Variants in KIF13B observed in about 807,000 individuals in gnomAD.
KIF13B encodes kinesin family member 13B.
In KIF13B, 127 loss-of-function variants were observed where a neutral mutation model predicts 222.0. The ratio of observed to expected loss-of-function variants is 0.57; its 90% CI spans 0.50 to 0.66. The LOEUF is 0.66. Ranked by LOEUF, KIF13B falls within the 30% of genes least tolerant of loss-of-function variation. The pLI, the probability that KIF13B is intolerant of heterozygous loss-of-function variation, is 0.00. For missense variants in KIF13B, 2,173 were observed against 2,379.0 expected, an observed-to-expected ratio of 0.91 and a Z score of 1.80; for synonymous variants, 976 against 919.0, an observed-to-expected ratio of 1.06 and a Z score of -1.12.
intron 1 of KIF13B, among the ~76,000 whole-genome samples, chr8:29,258,957 G>A (rs1454697527): frequency 6.6e-6 from 1 of 152,074 alleles, no homozygotes; most frequent in Non-Finnish European, 1.5e-5. Flanking sequence ...GCAACCCTAA[G>A]AAAACTTTTA....
chr8:29,239,902 A>G (rs1815687080), intron 2 of KIF13B, among the ~76,000 whole-genome samples: 1 of 151,948 alleles, frequency 6.6e-6, no homozygotes, highest in East Asian at 1.9e-4. Flanking sequence ...ACCTCAAGTG[A>G]TCTGCGTGCC....
At chr8:29,185,825 ACT>A (rs993426992) in intron 6 of KIF13B, among the ~76,000 whole-genome samples, 3 of 151,670 alleles carry the variant, frequency 2.0e-5, no homozygotes, top group South Asian at 2.1e-4. Flanking sequence ...AACTCGAAAA[ACT>A]CTGTGGAATG....
At chr8:29,077,235 C>T (rs545673279) in intron 37 of KIF13B, among the ~76,000 whole-genome samples, 1 of 152,292 alleles carries the variant, frequency 6.6e-6, no homozygotes, top group South Asian at 2.1e-4. Context: ...CCAGAACAGT[C>T]TCCCCTCTGC....
chr8:29,161,708 C>CCCA (rs1554609866), intron 12 of KIF13B, among the ~76,000 whole-genome samples: 3 of 143,716 alleles, frequency 2.1e-5, no homozygotes, highest in African/African-American at 7.6e-5. Flanking sequence ...AACCCCCCCC[C>CCCA]AAAAAAAAAC....
At chr8:29,262,784 C>G (rs1816731950) in intron 1 of KIF13B, among the ~76,000 whole-genome samples, 196 bp downstream of exon 1, 1 of 146,824 alleles carries the variant, frequency 6.8e-6, no homozygotes. Flanking sequence ...CGGGGCTGGC[C>G]AGGGGGGAAG....
chr8:29,155,625 A>T, intron 14 of KIF13B, 101 bp downstream of exon 14: 1 of 991,898 alleles, frequency 1.0e-6, no homozygotes, highest in Non-Finnish European at 1.5e-6. Context: ...TGGATTACTT[A>T]ATGTGGTCAA....
rs117167629 is a variant in KIF13B at position 29,117,613 on chromosome 8, C to T, written c.3661-606G>A. 1.2e-4 allele frequency among the ~76,000 whole-genome samples: 19 copies of T among 152,278 alleles called. No homozygotes were observed. The East Asian group carries it at 3.7e-3, about 29-fold the overall frequency. ...GGAAGGGTGCCGGCCCACTATTCTA[C>T]AGAATGCATAGCCGCTGGGTGTGTC... On this transcript the variant is annotated intron_variant, in intron 30 of 39. Coordinates refer to ENST00000524189, the MANE Select transcript of KIF13B (RefSeq NM_015254.4).
intron 32 of KIF13B, 42 bp downstream of exon 32, chr8:29,113,421 T>A (rs1809447965): frequency 8.0e-7 from 1 of 1,248,686 alleles, no homozygotes. Context: ...TGGCTCTTTT[T>A]AAGTGTTTAT....
rs200153696 is a variant in KIF13B at position 29,181,973 on chromosome 8, A to T, written c.531T>A (p.Ser177Arg). Residue 177 changes from serine to arginine, a missense_variant, in exon 7 of 40, where the codon AGT becomes AGA. Around this residue, in one of 2 missense-constraint regions of KIF13B, gnomAD observed 1,480 missense variants for 1,722.8 expected, o/e 0.86. Transcript: ENST00000524189. ...SRQTLKVREHSVLGPYVDGLS... is the reference protein window; with the variant it reads ...SRQTLKVREHRVLGPYVDGLS... The stretch of plus-strand genomic sequence containing the variant: ...GTCCGTCGACATAAGGTCCCAACAC[A>T]CTATGCTCTCTGACTTTCAACGTCT... 5.3e-5 allele frequency: 85 copies of T among 1,613,388 alleles called. No individual in the cohort carries two copies. Among genetic ancestry groups the T allele is most frequent in the Admixed American group, 6.7e-5 (4 of 59,942 alleles).
At chr8:29,228,473 A>G (rs1174731942) in intron 2 of KIF13B, among the ~76,000 whole-genome samples, 1 of 17,748 alleles carries the variant, frequency 5.6e-5, no homozygotes, top group Non-Finnish European at 3.0e-4. Context: ...TCTTAAAAAA[A>G]TATATATATA....
At chr8:29,162,455 G>T (rs1811822877) in intron 12 of KIF13B, among the ~76,000 whole-genome samples, 1 of 152,162 alleles carries the variant, frequency 6.6e-6, no homozygotes, top group African/African-American at 2.4e-5. Flanking sequence ...TCTTTCAGAA[G>T]TTTTGAGTCA....
chr8:29,215,803 G>A (rs565508148), intron 2 of KIF13B, among the ~76,000 whole-genome samples: 2 of 152,298 alleles, frequency 1.3e-5, no homozygotes, highest in East Asian at 1.9e-4. Context: ...AAGTTTTAAA[G>A]TATTAAAAGC....
intron 2 of KIF13B, among the ~76,000 whole-genome samples, chr8:29,224,176 A>G (rs772846939): frequency 4.0e-4 from 60 of 149,430 alleles, no homozygotes; most frequent in African/African-American, 1.1e-3. Flanking sequence ...GTGTGTGTGT[A>G]TTTTTTTTAG....
chr8:29,248,498 C>T (rs1297425652), intron 1 of KIF13B, among the ~76,000 whole-genome samples: 1 of 152,198 alleles, frequency 6.6e-6, no homozygotes, highest in East Asian at 1.9e-4. Context: ...AGGCGAAAGG[C>T]ACATCTCACA....
chr8:29,148,706 T>C lies in KIF13B; in HGVS notation c.1684A>G (p.Met562Val). Residue 562 changes from methionine to valine, a missense_variant, in exon 16 of 40, where the codon ATG (methionine) becomes GTG (valine). This residue lies in a region of KIF13B where 1,480 missense variants were observed against 1,722.8 expected (regional missense o/e 0.86). Transcript: ENST00000524189. ...EREDEDQDPS[M>V]KNENSSEQLD... is the part of the protein sequence containing the mutation. Reference sequence around the variant, plus strand: ...TGCTCAGAACTATTCTCGTTCTTCATGGAGGGATCCTGGTCCTCATCCTCT... The same window carrying C: ...TGCTCAGAACTATTCTCGTTCTTCACGGAGGGATCCTGGTCCTCATCCTCT... 6.2e-7 allele frequency: 1 copy of C among 1,612,012 alleles called. No homozygotes were observed. The highest frequency in any genetic ancestry group is 1.1e-5 in the South Asian group (1 of 90,336).
intron 37 of KIF13B, among the ~76,000 whole-genome samples, chr8:29,079,397 C>T (rs1807705977): frequency 6.6e-6 from 1 of 152,228 alleles, no homozygotes; most frequent in African/African-American, 2.4e-5. Flanking sequence ...TCTTCATCTG[C>T]TTTTGTGGCT....
intron 14 of KIF13B, among the ~76,000 whole-genome samples, chr8:29,155,018 T>C (rs1451863952): frequency 1.3e-5 from 2 of 152,122 alleles, no homozygotes; most frequent in Non-Finnish European, 2.9e-5. Flanking sequence ...TCCAACTCTG[T>C]AACAGGGGAT....
intron 35 of KIF13B, among the ~76,000 whole-genome samples, chr8:29,101,815 A>T (rs781329346): frequency 3.9e-5 from 6 of 152,138 alleles, no homozygotes; most frequent in Admixed American, 6.5e-5. Context: ...CTTCAGAGGG[A>T]GCAACCAATG....
chr8:29,135,302 C>T (rs1810508967), intron 21 of KIF13B, among the ~76,000 whole-genome samples: 1 of 152,102 alleles, frequency 6.6e-6, no homozygotes, highest in African/African-American at 2.4e-5. Flanking sequence ...GCCTCAGTCT[C>T]CCAAAATACT....
Sources: gnomAD v4.1 joint callset for allele counts (sites outside exome capture counted in the v4.1 genomes callset) on GRCh38, gnomAD v4.1.1 for gene constraint, gnomAD v4.1.1 regional missense constraint, MANE v1.5 for transcripts, NCBI Gene and HGNC (gene_info 2026-07-23, HGNC 2026-07-21) for gene names.